TEX2: variants seen among roughly 807,000 people sequenced by gnomAD.
TEX2 encodes the protein testis expressed 2.
TEX2 carries 53 observed loss-of-function variants against 106.9 expected under a neutral mutation model. That is an observed-to-expected ratio of 0.50 (90% CI 0.40 to 0.62). The LOEUF (loss-of-function observed/expected upper bound fraction) is 0.62. Among genes scored for constraint, TEX2 ranks in the 20% least tolerant of loss-of-function variants. The pLI is 0.00. For missense variants in TEX2, 1,207 were observed against 1,379.0 expected, an observed-to-expected ratio of 0.88 and a Z score of 1.98; for synonymous variants, 523 against 534.8, an observed-to-expected ratio of 0.98 and a Z score of 0.30.
In TEX2 at chr17:64,153,182, T is replaced by C. The variant is rs770919609; in HGVS notation, c.2931-28A>G. Reference sequence around the variant, plus strand: ...TCAAATGTGGAACACAAAGGGCGGTTAGCACAAACTTTGCTCTTTTCACAG... The same window carrying C: ...TCAAATGTGGAACACAAAGGGCGGTCAGCACAAACTTTGCTCTTTTCACAG... On this transcript the variant is annotated intron_variant, in intron 9 of 11. Transcript: ENST00000584379. The surrounding 1 kb of genome is among the most constrained non-coding windows in gnomAD (Gnocchi z 4.1). 6.5e-7 allele frequency: 1 copy of C among 1,548,278 alleles called. No homozygotes were observed.
At chr17:64,200,743 G>A (rs1025541607) in intron 2 of TEX2, among the ~76,000 whole-genome samples, 7 of 152,192 alleles carry the variant, frequency 4.6e-5, no homozygotes, top group Non-Finnish European at 8.8e-5. Context: ...CAAGAAGTAG[G>A]TAGGCATAGA....
rs1178231180 is a variant in TEX2 at position 64,209,647 on chromosome 17, C to T, written c.1644+2927G>A. 5.9e-5 allele frequency among the ~76,000 whole-genome samples: 9 copies of T among 152,208 alleles called. 1 individual carries two copies. Among genetic ancestry groups the T allele is most frequent in the African/African-American group, 2.2e-4 (9 of 41,450 alleles). On this transcript the variant is annotated intron_variant, in intron 2 of 11. Coordinates refer to ENST00000584379, the MANE Select transcript of TEX2 (RefSeq NM_001288732.2). ...CTAGCCACTGTGGGCAAAACACCTTCCTTAAAAGAAAACACTGTCCTACAA... is the reference window on the plus strand; with the variant it reads ...CTAGCCACTGTGGGCAAAACACCTTTCTTAAAAGAAAACACTGTCCTACAA...
chr17:64,193,799 T>C lies in TEX2; in HGVS notation c.1936A>G (p.Met646Val), dbSNP rs2143904286. The change falls in exon 4 of 12, where the codon ATG becomes GTG. Residue 646 changes from methionine to valine, a missense_variant. Transcript: ENST00000584379. ...TCCTTATCAGTCTGAGCTTTAGACA[T>C]AAAGTCATCTTGCTGACCAAGCTCG... Reference protein sequence around the residue: ...CIELGQQDDFMSKAQTDKETS... With the variant: ...CIELGQQDDFVSKAQTDKETS... 6.2e-7 allele frequency: 1 copy of C among 1,610,060 alleles called. No homozygotes were observed. Among genetic ancestry groups the C allele is most frequent in the South Asian group, 1.1e-5 (1 of 90,448 alleles).
intron 11 of TEX2, 92 bp downstream of exon 11, chr17:64,150,749 A>C: frequency 7.1e-7 from 1 of 1,409,292 alleles, no homozygotes; most frequent in Non-Finnish European, 9.5e-7. Flanking sequence ...GATTTTCAAA[A>C]GAGGATCCTG....
chr17:64,160,925 T>C lies in TEX2; in HGVS notation c.2680A>G (p.Ile894Val). 6.2e-7 allele frequency: 1 copy of C among 1,613,564 alleles called. No homozygotes were observed. The highest frequency in any genetic ancestry group is 8.5e-7 in the Non-Finnish European group (1 of 1,179,878). Residue 894 changes from isoleucine to valine, a missense_variant, in exon 8 of 12, where the codon ATT becomes GTT. Transcript: ENST00000584379. ...CCATTGTAGGACATTTCCAAATCAA[T>C]CCAGAGTCCTGGAGAAATGGTGAAA... ...KPYVDHQGLW[I>V]DLEMSYNGSF...
chr17:64,150,587 T>C (rs900529980), intron 11 of TEX2: 48 of 245,820 alleles, frequency 2.0e-4, no homozygotes, highest in Admixed American at 6.7e-4. Context: ...AAAGACATCA[T>C]CATTTTGCTC....
chr17:64,176,459 A>G (rs987156879), intron 6 of TEX2, among the ~76,000 whole-genome samples: 4 of 152,232 alleles, frequency 2.6e-5, no homozygotes, highest in African/African-American at 9.6e-5. Context: ...CTTCTCAAAA[A>G]TGTCTCTGAT....
rs782551793 is a variant in TEX2, at chr17:64,213,411, A to C, written c.807T>G (p.Thr269=). Residue 269 remains threonine, a synonymous_variant, in exon 2 of 12, where the codon ACT becomes ACG. Coordinates refer to ENST00000584379, the MANE Select transcript of TEX2 (RefSeq NM_001288732.2). This position sits in a 1 kb window ranked among gnomAD's most constrained non-coding sequence, Gnocchi z 4.4. ...DSKTAPSSPL[T]SPSDTRSFFK... ...AAAAGGAACGAGTATCAGAGGGAGA[A>C]GTCAGTGGGGAAGAAGGTGCAGTTT... is the stretch of plus-strand genomic sequence containing the variant. 1 of 1,614,102 alleles carries C rather than the reference A, an allele frequency of 6.2e-7. No homozygotes were observed. Among genetic ancestry groups the C allele is most frequent in the Non-Finnish European group, 8.5e-7 (1 of 1,180,038 alleles).
At chr17:64,194,841 T>C (rs747569215) in intron 3 of TEX2, 54 bp downstream of exon 3, 34 of 1,559,814 alleles carry the variant, frequency 2.2e-5, no homozygotes, top group Non-Finnish European at 2.7e-5. Context: ...GCATCCAAGA[T>C]GCCATATGCT....
At chr17:64,256,743 A>C (rs1290353229) in intron 1 of TEX2, among the ~76,000 whole-genome samples, 1 of 152,248 alleles carries the variant, frequency 6.6e-6, no homozygotes, top group African/African-American at 2.4e-5. Flanking sequence ...AATGCCAAGC[A>C]CAATGCTTGG....
rs530974574 is a variant in TEX2 at position 64,180,409 on chromosome 17, T to C, written c.2425-2938A>G. On this transcript the variant is annotated intron_variant, in intron 5 of 11. Transcript: ENST00000584379. Reference sequence around the variant, plus strand: ...ATTTCTGAAATAACCGACAAGCAGGTTGTTTTTTCAACAGTTCCTTTTTCC... The same window carrying C: ...ATTTCTGAAATAACCGACAAGCAGGCTGTTTTTTCAACAGTTCCTTTTTCC... Among the ~76,000 whole-genome samples, 52 of 152,320 alleles carry C rather than the reference T, an allele frequency of 3.4e-4. 1 individual carries two copies. Among genetic ancestry groups the C allele is most frequent in the African/African-American group, 1.0e-3 (42 of 41,574 alleles).
intron 1 of TEX2, among the ~76,000 whole-genome samples, chr17:64,238,550 A>T (rs1228463597): frequency 6.6e-6 from 1 of 152,234 alleles, no homozygotes; most frequent in Admixed American, 6.5e-5. Flanking sequence ...CATGGCCGGG[A>T]GGCCTCGGGA....
chr17:64,175,207 C>G (rs986100162), intron 6 of TEX2, among the ~76,000 whole-genome samples: 2 of 152,222 alleles, frequency 1.3e-5, no homozygotes, highest in African/African-American at 4.8e-5. Context: ...TGTCCTTCTG[C>G]TTTCCTGTTT....
intron 1 of TEX2, among the ~76,000 whole-genome samples, chr17:64,257,482 T>C (rs782766893): frequency 1.8e-4 from 28 of 152,166 alleles, no homozygotes; most frequent in Non-Finnish European, 3.7e-4. Context: ...AAATGGAAAA[T>C]TGCAGAAATA....
At chr17:64,210,709 A>G (rs1005482356) in intron 2 of TEX2, among the ~76,000 whole-genome samples, 2 of 135,690 alleles carry the variant, frequency 1.5e-5, no homozygotes, top group Non-Finnish European at 3.1e-5. Flanking sequence ...ATTTAAATAG[A>G]TGGGAGAATA....
At chr17:64,234,890 TA>T (rs1339793293) in intron 1 of TEX2, among the ~76,000 whole-genome samples, 19 of 152,186 alleles carry the variant, frequency 1.2e-4, no homozygotes, top group African/African-American at 4.1e-4. Context: ...AAAATACAGG[TA>T]TTTTTTTTTT....
At chr17:64,191,906 T>C (rs143951791) in intron 4 of TEX2, among the ~76,000 whole-genome samples, 52 of 151,450 alleles carry the variant, frequency 3.4e-4, no homozygotes, top group African/African-American at 1.1e-3. Flanking sequence ...TAACCCAATA[T>C]ATCTAAAATA....
chr17:64,154,871 T>TC lies in TEX2; in HGVS notation c.2900dup (p.Asp968ArgfsTer9), dbSNP rs2030541544. 2 of 1,607,468 alleles carry TC rather than the reference T, an allele frequency of 1.2e-6. No individual in the cohort carries two copies. The highest frequency in any genetic ancestry group is 8.5e-7 in the Non-Finnish European group (1 of 1,177,410). On this transcript the variant is annotated frameshift_variant, in exon 9 of 12. Transcript: ENST00000584379. LOFTEE classifies it high-confidence loss of function. ...CAGCCCCTGGGAGGAGCTGTTTGTC[T>TC]CCCCCGCTGGGCTCTGGGGCATCGT...
At position 64,263,245 on chromosome 17, in the gene TEX2, C is replaced by A. The variant is rs868932333; in HGVS notation, c.-103G>T. The A allele has an allele frequency of 2.0e-5, 3 of 149,664 alleles. No homozygotes were observed. Among genetic ancestry groups the A allele is most frequent in the African/African-American group, 4.9e-5 (2 of 41,100 alleles). 9.3% of individuals were successfully genotyped at this position (149,664 alleles called of 1,614,324 possible). On this transcript the variant is annotated 5_prime_UTR_variant, in exon 1 of 12. Transcript: ENST00000584379. Reference sequence around the variant, plus strand: ...CGCGCGACTCCGGCTTCGGCTGGGGCACCGGCCGCGGTCCTGCTGCCCTGC... The same window carrying A: ...CGCGCGACTCCGGCTTCGGCTGGGGAACCGGCCGCGGTCCTGCTGCCCTGC...
Sources: gnomAD v4.1 joint callset for allele counts (sites outside exome capture counted in the v4.1 genomes callset) on GRCh38, gnomAD v4.1.1 for gene constraint, Gnocchi (gnomAD v3.1) non-coding constraint, MANE v1.5 for transcripts, NCBI Gene and HGNC (gene_info 2026-07-23, HGNC 2026-07-21) for gene names.